TMEM33: variants seen among roughly 807,000 people sequenced by gnomAD.
The protein encoded by TMEM33 is transmembrane protein 33.
Under a neutral mutation model 29.7 loss-of-function variants are expected in TMEM33, and 16 were observed. That is an observed-to-expected ratio of 0.54 (90% confidence interval 0.36 to 0.82). TMEM33 has a LOEUF of 0.82. TMEM33 is among the 40% of genes least tolerant of loss of function. TMEM33 has a pLI of 0.00. For synonymous variants in TMEM33, 112 were observed against 109.4 expected (o/e 1.02, Z -0.15); for missense variants, 252 against 295.3 (o/e 0.85, Z 1.08).
rs1713416326 is a variant in TMEM33, at chr4:41,960,195, C to G, written c.*5996C>G. ...CTAAGGAAAAAGGACCTCATTCACT[C>G]TTTCTTTTATGCAGTGATTTACTGG... On this transcript the variant is annotated 3_prime_UTR_variant, in exon 7 of 7. Transcript: ENST00000504986. 1 of 152,150 alleles carries G rather than the reference C, an allele frequency of 6.6e-6. No homozygotes were observed. The highest frequency in any genetic ancestry group is 1.5e-5 in the Non-Finnish European group (1 of 67,984). The allele number at this position is 152,150 out of a possible 1,614,324, so 9.4% of individuals were successfully genotyped here.
intron 2 of TMEM33, among the ~76,000 whole-genome samples, 188 bp from the exon 3 acceptor site, chr4:41,939,008 T>G: frequency 6.6e-6 from 1 of 152,156 alleles, no homozygotes; most frequent in East Asian, 1.9e-4. Context: ...TTTTATAAAT[T>G]GATTATAAGA....
At chr4:41,937,624 A>T (rs954468466) in intron 1 of TMEM33, among the ~76,000 whole-genome samples, 3 of 152,308 alleles carry the variant, frequency 2.0e-5, no homozygotes, top group South Asian at 2.1e-4. Context: ...TAAATAGAAA[A>T]TGTCAAAATC....
chr4:41,956,972 AGAAT>A lies in TMEM33; in HGVS notation c.*2779_*2782del, dbSNP rs1713300496. ...TTAAGGAAATACAATAGCAATATAT[AGAAT>A]GAATGTAGTAACAGAAATTAACTCT... On this transcript the variant is annotated 3_prime_UTR_variant, in exon 7 of 7. Coordinates refer to ENST00000504986, the MANE Select transcript of TMEM33 (RefSeq NM_018126.3). 6.6e-6 allele frequency: 1 copy of A among 152,204 alleles called. No individual in the cohort carries two copies. The highest frequency in any genetic ancestry group is 1.5e-5 in the Non-Finnish European group (1 of 68,014). The allele number at this position is 152,204 out of a possible 1,614,324, so 9.4% of individuals were successfully genotyped here. A position where few individuals can be genotyped will look rare whatever the true frequency, so the allele number is the denominator to read the frequency against.
rs1472045457 is a variant in TMEM33 at position 41,959,178 on chromosome 4, C to T, written c.*4979C>T. 1 of 152,092 alleles carries T rather than the reference C, an allele frequency of 6.6e-6. No individual in the cohort carries two copies. Among genetic ancestry groups the T allele is most frequent in the Non-Finnish European group, 1.5e-5 (1 of 68,018 alleles). The allele number at this position is 152,092 out of a possible 1,614,324, so 9.4% of individuals were successfully genotyped here. On this transcript the variant is annotated 3_prime_UTR_variant, in exon 7 of 7. Coordinates refer to ENST00000504986, the MANE Select transcript of TMEM33 (RefSeq NM_018126.3). ...TTGTTTTAAGGAGCAGTCTTATATT[C>T]AGGGTAGAAAGTTATGATTGGATCT...
rs999887618 is a variant in TMEM33 at position 41,955,946 on chromosome 4, A to G, written c.*1747A>G. On this transcript the variant is annotated 3_prime_UTR_variant, in exon 7 of 7. Coordinates refer to ENST00000504986, the MANE Select transcript of TMEM33 (RefSeq NM_018126.3). ...TTAAAAAGATCTTTTAGATTTATAG[A>G]AGAGTCAGAAATGTACAAGAGAGTT... The G allele has an allele frequency of 2.0e-5, 3 of 152,532 alleles. No individual in the cohort carries two copies. The highest frequency in any genetic ancestry group is 7.2e-5 in the African/African-American group (3 of 41,420). 9.4% of individuals were successfully genotyped at this position (152,532 alleles called of 1,614,324 possible). A position where few individuals can be genotyped will look rare whatever the true frequency, so the allele number is the denominator to read the frequency against.
chr4:41,943,826 T>A lies in TMEM33; in HGVS notation c.396+12T>A, dbSNP rs1351460125. The A allele has an allele frequency of 6.2e-7, 1 of 1,612,034 alleles. No homozygotes were observed. The highest frequency in any genetic ancestry group is 8.5e-7 in the Non-Finnish European group (1 of 1,178,374). On this transcript the variant is annotated intron_variant, in intron 4 of 6. Coordinates refer to ENST00000504986, the MANE Select transcript of TMEM33 (RefSeq NM_018126.3). ...AAAAGGTCCTTGACGTAAGTAAAAC[T>A]GCTCTTTGTCTGACTTCTGAATTAC...
At chr4:41,939,008 T>C (rs1374354687) in intron 2 of TMEM33, among the ~76,000 whole-genome samples, 188 bp from the exon 3 acceptor site, 1 of 152,156 alleles carries the variant, frequency 6.6e-6, no homozygotes, top group Non-Finnish European at 1.5e-5. Flanking sequence ...TTTTATAAAT[T>C]GATTATAAGA....
chr4:41,953,771 C>T, intron 6 of TMEM33: 1 of 469,244 alleles, frequency 2.1e-6, no homozygotes, highest in East Asian at 6.4e-5. Flanking sequence ...TTGTGGTGCC[C>T]CAAAACAGTT....
intron 3 of TMEM33, 54 bp from the exon 4 acceptor site, chr4:41,943,691 CTG>C: frequency 6.7e-7 from 1 of 1,483,370 alleles, no homozygotes; most frequent in South Asian, 1.1e-5. Flanking sequence ...AATACATAGT[CTG>C]TTTTGCAGAA....
At chr4:41,936,274 C>T (rs1342236055) in intron 1 of TMEM33, among the ~76,000 whole-genome samples, 1 of 152,230 alleles carries the variant, frequency 6.6e-6, no homozygotes, top group Non-Finnish European at 1.5e-5. Flanking sequence ...GGCGCAGTGG[C>T]TCACTCCTGT....
rs1474146763 is a variant in TMEM33 at position 41,954,976 on chromosome 4, A to G, written c.*777A>G. The stretch of plus-strand genomic sequence containing the variant: ...AAATCCTTCTTTTACTAATGTGGAC[A>G]TATAGATTATTCGTATTATAGTTTG... On this transcript the variant is annotated 3_prime_UTR_variant, in exon 7 of 7. Transcript: ENST00000504986. The G allele has an allele frequency of 6.5e-6, 1 of 152,674 alleles. No individual in the cohort carries two copies. The highest frequency in any genetic ancestry group is 1.5e-5 in the Non-Finnish European group (1 of 68,040). The allele number at this position is 152,674 out of a possible 1,614,324, so 9.5% of individuals were successfully genotyped here.
intron 5 of TMEM33, among the ~76,000 whole-genome samples, chr4:41,945,881 G>A (rs546863646): frequency 6.8e-6 from 1 of 145,998 alleles, no homozygotes; most frequent in Non-Finnish European, 1.5e-5. Flanking sequence ...TGAGACAGGA[G>A]AATTGTTTGA....
At chr4:41,945,863 C>T (rs1409804525) in intron 5 of TMEM33, among the ~76,000 whole-genome samples, 4 of 150,258 alleles carry the variant, frequency 2.7e-5, no homozygotes, top group African/African-American at 7.4e-5. Context: ...CCCAGCTACT[C>T]GGGAGGCTGA....
At chr4:41,947,724 A>G (rs1467854215) in intron 5 of TMEM33, among the ~76,000 whole-genome samples, 3 of 152,214 alleles carry the variant, frequency 2.0e-5, no homozygotes, top group East Asian at 1.9e-4. Flanking sequence ...ACAGTCTTAC[A>G]TTACTGCTAT....
rs189205029 is a variant in TMEM33, at chr4:41,953,241, G to A, written c.615-829G>A. 3.3e-3 allele frequency among the ~76,000 whole-genome samples: 501 copies of A among 152,220 alleles called. 2 individuals carry two copies. Among genetic ancestry groups the A allele is most frequent in the African/African-American group, 0.012 (479 of 41,518 alleles). On this transcript the variant is annotated intron_variant, in intron 6 of 6. Coordinates refer to ENST00000504986, the MANE Select transcript of TMEM33 (RefSeq NM_018126.3). ...AGATTCCTTCATGAGTATTTGTTTAGCATTAGAGGCATACTTCAGAAATGT... is the reference window on the plus strand; with the variant it reads ...AGATTCCTTCATGAGTATTTGTTTAACATTAGAGGCATACTTCAGAAATGT...
chr4:41,951,626 ATCT>A, intron 6 of TMEM33, among the ~76,000 whole-genome samples: 1 of 152,338 alleles, frequency 6.6e-6, no homozygotes, highest in Non-Finnish European at 1.5e-5. Flanking sequence ...GAATTAAAAT[ATCT>A]TCTTTCAGAG....
At position 41,959,568 on chromosome 4, in the gene TMEM33, G is replaced by A. The variant is rs1190176970; in HGVS notation, c.*5369G>A. ...ATTATTTCATGTTACCTAGCCTTCT[G>A]AAGCTACTCACTTGATGTGCCTAGC... On this transcript the variant is annotated 3_prime_UTR_variant, in exon 7 of 7. Coordinates refer to ENST00000504986, the MANE Select transcript of TMEM33 (RefSeq NM_018126.3). 2.0e-5 allele frequency: 3 copies of A among 152,116 alleles called. No individual in the cohort carries two copies. Among genetic ancestry groups the A allele is most frequent in the African/African-American group, 7.2e-5 (3 of 41,424 alleles). 9.4% of individuals were successfully genotyped at this position (152,116 alleles called of 1,614,324 possible).
intron 5 of TMEM33, among the ~76,000 whole-genome samples, chr4:41,946,986 C>A (rs1040503327): frequency 2.3e-4 from 35 of 152,096 alleles, no homozygotes; most frequent in African/African-American, 8.4e-4. Flanking sequence ...GCCTGTAAAC[C>A]CAGCACTTTG....
intron 1 of TMEM33, among the ~76,000 whole-genome samples, chr4:41,936,200 A>C (rs1029741292): frequency 6.6e-6 from 1 of 152,168 alleles, no homozygotes; most frequent in African/African-American, 2.4e-5. Context: ...AATTTCCATA[A>C]TTGTCCTTTA....
Sources: gnomAD v4.1 joint callset for allele counts (sites outside exome capture counted in the v4.1 genomes callset) on GRCh38, gnomAD v4.1.1 for gene constraint, MANE v1.5 for transcripts, NCBI Gene and HGNC (gene_info 2026-07-23, HGNC 2026-07-21) for gene names.